The following ATAD2 variants were observed in gnomAD, a reference collection of about 807,000 sequenced individuals.
The protein encoded by ATAD2 is ATPase family AAA domain-containing protein 2.
A neutral mutation model predicts 168.9 loss-of-function variants in ATAD2; 62 were observed. The ratio of observed to expected loss-of-function variants is 0.37; its 90% CI spans 0.30 to 0.45. ATAD2 has a LOEUF of 0.45. Among genes scored for constraint, ATAD2 ranks in the 20% least tolerant of loss-of-function variants. The probability of loss-of-function intolerance (pLI) is 1.00; values close to 1 mark genes in which losing one functional copy is unlikely to be tolerated. For missense variants in ATAD2, 1,419 were observed against 1,667.8 expected (o/e 0.85, Z 2.60); for synonymous variants, 613 against 571.6 (o/e 1.07, Z -1.03).
At chr8:123,344,862 G>C (rs1586868449) in intron 19 of ATAD2, 22 bp downstream of exon 19, 1 of 1,609,992 alleles carries the variant, frequency 6.2e-7, no homozygotes, top group East Asian at 2.2e-5. Context: ...AAAGTATAAT[G>C]ATACCGCCCC....
upstream of ATAD2, chr8:123,400,782 C>A: frequency 2.3e-6 from 2 of 855,200 alleles, no homozygotes; most frequent in Middle Eastern, 3.3e-4. This position sits in a 1 kb window ranked among gnomAD's most constrained non-coding sequence, Gnocchi z 4.5. Flanking sequence ...TCTCCTCCTC[C>A]ATGGACACTG....
rs1475810626 is a variant in ATAD2 at position 123,396,440 on chromosome 8, C to T, written c.-83G>A. On this transcript the variant is annotated 5_prime_UTR_variant, in exon 1 of 28. Coordinates refer to ENST00000287394, the MANE Select transcript of ATAD2 (RefSeq NM_014109.4). ...TCGCAGCTCTGGCTCTTCCGCGCTC[C>T]GAATTCTGGCGCCACAAGCTCCGCG... 5.9e-6 allele frequency: 8 copies of T among 1,361,442 alleles called. No individual in the cohort carries two copies. Among genetic ancestry groups the T allele is most frequent in the Non-Finnish European group, 6.7e-6 (7 of 1,040,942 alleles). 84.3% of individuals were successfully genotyped at this position (1,361,442 alleles called of 1,614,324 possible).
chr8:123,394,137 G>C (rs888518198), intron 1 of ATAD2, among the ~76,000 whole-genome samples: 2 of 150,534 alleles, frequency 1.3e-5, no homozygotes, highest in Non-Finnish European at 2.9e-5. Context: ...TAAAACTGAC[G>C]ATGGTCTTAA....
chr8:123,327,046 C>G (rs1187495748), intron 25 of ATAD2, among the ~76,000 whole-genome samples: 2 of 152,188 alleles, frequency 1.3e-5, no homozygotes, highest in Middle Eastern at 3.4e-3. Context: ...GCAGTTGGGA[C>G]TACAGGCGTT....
At chr8:123,340,047 A>T (rs759268389) in intron 19 of ATAD2, among the ~76,000 whole-genome samples, 1 of 151,646 alleles carries the variant, frequency 6.6e-6, no homozygotes, top group Non-Finnish European at 1.5e-5. Context: ...GCACCACCAC[A>T]CTCAGCTAAT....
At chr8:123,369,431 TTGTGAC>T (rs2129734139) in intron 7 of ATAD2, 1 of 219,042 alleles carries the variant, frequency 4.6e-6, no homozygotes. Context: ...TAAACAACCA[TTGTGAC>T]TGTAGAGATG....
intron 1 of ATAD2, chr8:123,401,873 G>T: frequency 1.3e-6 from 1 of 763,994 alleles, no homozygotes; most frequent in Non-Finnish European, 2.4e-6. Context: ...GGAGGATAAG[G>T]TGAAGATCAC....
At chr8:123,383,900 G>A (rs1393414995) in intron 1 of ATAD2, among the ~76,000 whole-genome samples, 1 of 151,564 alleles carries the variant, frequency 6.6e-6, no homozygotes, top group Non-Finnish European at 1.5e-5. Flanking sequence ...TGGCTAACAT[G>A]GTGAAATCAC....
upstream of ATAD2, among the ~76,000 whole-genome samples, chr8:123,397,239 TCAAA>T (rs1563869646): frequency 5.0e-5 from 4 of 79,626 alleles, no homozygotes; most frequent in East Asian, 3.0e-4. Flanking sequence ...AGACTCTGTC[TCAAA>T]AAAAAAAAAA....
rs866892976 is a variant in ATAD2, at chr8:123,413,230, C to T, written c.-2282+3018G>A. On this transcript the variant is annotated intron_variant, in intron 1 of 28. Transcript: ENST00000521903. ...TTCCCTGGCTCTAATGAGCGCCCCC[C>T]CCCCCCCAACTCCTCCCTGCTTCCT... is the stretch of plus-strand genomic sequence containing the variant. Among the ~76,000 whole-genome samples the T allele has an allele frequency of 2.0e-3, 296 of 149,424 alleles. 4 individuals carry two copies. The highest frequency in any genetic ancestry group is 3.7e-3 in the Non-Finnish European group (249 of 66,926).
Position 123,347,137 on chromosome 8 carries a change from C to G in ATAD2, c.2167G>C (p.Val723Leu). Residue 723 changes from valine to leucine, a missense_variant, in exon 16 of 28, where the codon GTA becomes CTA. Coordinates refer to ENST00000287394, the MANE Select transcript of ATAD2 (RefSeq NM_014109.4). ...VDKILEALQR[V>L]FPHAEFRTNK... ...GTTCTGAATTCTGCATGTGGAAATA[C>G]TCTCTGCAGGGCTTCTAAAATCTTG... 6.2e-7 allele frequency: 1 copy of G among 1,614,068 alleles called. No homozygotes were observed. Among genetic ancestry groups the G allele is most frequent in the Non-Finnish European group, 8.5e-7 (1 of 1,179,952 alleles).
chr8:123,366,610 T>C (rs538734088), intron 8 of ATAD2, among the ~76,000 whole-genome samples: 22 of 152,330 alleles, frequency 1.4e-4, no homozygotes, highest in African/African-American at 5.3e-4. Context: ...TTACTCTAAG[T>C]GAAGTAACTC....
chr8:123,375,572 T>C (rs999672430), intron 2 of ATAD2, among the ~76,000 whole-genome samples: 1 of 152,244 alleles, frequency 6.6e-6, no homozygotes, highest in Non-Finnish European at 1.5e-5. Flanking sequence ...CCTACATTCA[T>C]ATCATTATTC....
At chr8:123,381,917 G>C (rs887585963) in intron 1 of ATAD2, among the ~76,000 whole-genome samples, 2 of 152,004 alleles carry the variant, frequency 1.3e-5, no homozygotes, top group Non-Finnish European at 2.9e-5. Flanking sequence ...CTGGTGGTGC[G>C]TGCATGTAAT....
chr8:123,389,985 T>TATATA (rs1554647643), intron 1 of ATAD2, among the ~76,000 whole-genome samples: 128 of 70,826 alleles, frequency 1.8e-3, no homozygotes, highest in East Asian at 7.6e-3. Flanking sequence ...TATATATATA[T>TATATA]TTTTTTTTTT....
chr8:123,349,643 C>T (rs991884076), intron 13 of ATAD2, among the ~76,000 whole-genome samples, 199 bp from the exon 14 acceptor site: 2 of 151,902 alleles, frequency 1.3e-5, no homozygotes, highest in Admixed American at 6.6e-5. Flanking sequence ...CAATGGAAAA[C>T]AGACGGTTGT....
At position 123,358,723 on chromosome 8, in the gene ATAD2, CT is replaced by C. The variant is rs772822406; in HGVS notation, c.1382+497del. On this transcript the variant is annotated intron_variant, in intron 11 of 27. Coordinates refer to ENST00000287394, the MANE Select transcript of ATAD2 (RefSeq NM_014109.4). ...CCTGTGATTGATATATGGTACATTA[CT>C]TTTTTTTTTTTTTTTTTTTTTTTTG... Among the ~76,000 whole-genome samples the C allele has an allele frequency of 7.2e-3, 552 of 76,864 alleles. 1 individual carries two copies. The highest frequency in any genetic ancestry group is 0.022 in the African/African-American group (409 of 18,746). 50.4% of individuals were successfully genotyped at this position (76,864 alleles called of 152,430 possible).
At chr8:123,371,185 A>G (rs771635705) in intron 5 of ATAD2, 51 bp downstream of exon 5, 1 of 1,452,118 alleles carries the variant, frequency 6.9e-7, no homozygotes, top group East Asian at 2.3e-5. Context: ...GGTACTATAA[A>G]AAAATTAAAC....
chr8:123,374,252 C>A (rs772493463), intron 2 of ATAD2, among the ~76,000 whole-genome samples: 1 of 152,164 alleles, frequency 6.6e-6, no homozygotes, highest in Non-Finnish European at 1.5e-5. Flanking sequence ...ACTCAAGAGC[C>A]TGAGGCAGGA....
Sources: allele counts gnomAD v4.1 joint callset (sites outside exome capture counted in the v4.1 genomes callset), GRCh38; gene constraint gnomAD v4.1.1; non-coding constraint Gnocchi (gnomAD v3.1); transcripts MANE v1.5; gene names NCBI Gene and HGNC (gene_info 2026-07-23, HGNC 2026-07-21).